Variants in HSPG2 observed in about 807,000 individuals in gnomAD.
HSPG2 encodes heparan sulfate proteoglycan 2, also known as basement membrane-specific heparan sulfate proteoglycan core protein.
A neutral mutation model predicts 526.6 loss-of-function variants in HSPG2; 278 were observed. The ratio of observed to expected loss-of-function variants is 0.53; its 90% CI spans 0.48 to 0.58. HSPG2 has a LOEUF of 0.58. Ranked by LOEUF, HSPG2 falls within the 20% of genes least tolerant of loss-of-function variation. HSPG2 has a pLI of 0.00. For synonymous variants in HSPG2, 2,465 were observed against 2,555.4 expected, an observed-to-expected ratio of 0.96 and a Z score of 1.07; for missense variants, 5,354 against 6,099.5, an observed-to-expected ratio of 0.88 and a Z score of 4.07.
At chr1:21,845,996 G>T in intron 64 of HSPG2, 112 bp downstream of exon 64, 1 of 1,301,962 alleles carries the variant, frequency 7.7e-7, no homozygotes, top group Non-Finnish European at 1.1e-6. Context: ...TGGAATCAGA[G>T]CGGCAGTTCT....
At position 21,831,755 on chromosome 1, in the gene HSPG2, G is replaced by A; in HGVS notation, c.11249C>T (p.Thr3750Ile). The change falls in exon 82 of 97, where the codon ACA (threonine) becomes ATA (isoleucine). Residue 3750 changes from threonine to isoleucine, a missense_variant. Thr to Ile is a moderately conservative substitution (Grantham distance 89, BLOSUM62 -1). Transcript: ENST00000374695. ...GTGGAAATGGCCCAGGGCCAGTGGT[G>A]TGGGATGGCGGATGGTGGCCATGCC... is the stretch of plus-strand genomic sequence containing the variant. The part of the protein sequence containing the change: ...GSGMATIRHP[T>I]PLALGHFHTV... The A allele has an allele frequency of 6.2e-7, 1 of 1,604,398 alleles. No homozygotes were observed. Among genetic ancestry groups the A allele is most frequent in the Non-Finnish European group, 8.5e-7 (1 of 1,173,180 alleles).
At position 21,865,260 on chromosome 1, in the gene HSPG2, C is replaced by T. The variant is rs1253888891; in HGVS notation, c.4395+25G>A. 1 of 1,611,144 alleles carries T rather than the reference C, an allele frequency of 6.2e-7. No individual in the cohort carries two copies. Among genetic ancestry groups the T allele is most frequent in the Non-Finnish European group, 8.5e-7 (1 of 1,177,480 alleles). On this transcript the variant is annotated intron_variant, in intron 35 of 96. Transcript: ENST00000374695. The surrounding 1 kb of genome is among the most constrained non-coding windows in gnomAD (Gnocchi z 5.4). ...GGGTGGAGGGTGGGGTGGGGTTAGA[C>T]ACAGCATGGCCAGGTGCCCCTTACC...
Position 21,841,640 on chromosome 1 carries a change from A to G in HSPG2, c.9227T>C (p.Ile3076Thr). The change falls in exon 70 of 97, where the codon ATC becomes ACC. Residue 3076 changes from isoleucine (I) to threonine (T), a missense_variant. Coordinates refer to ENST00000374695, the MANE Select transcript of HSPG2 (RefSeq NM_005529.7). The stretch of plus-strand genomic sequence containing the variant: ...GCTGGGCCGGGTGCCCACGATGGTG[A>G]TGATGGAGCCATTGGGACTGATGTG... ...NVHISPNGSI[I>T]TIVGTRPSNH... The G allele has an allele frequency of 6.2e-7, 1 of 1,614,090 alleles. No individual in the cohort carries two copies. The highest frequency in any genetic ancestry group is 8.5e-7 in the Non-Finnish European group (1 of 1,180,006).
rs1271021210 is a variant in HSPG2 at position 21,861,795 on chromosome 1, C to A, written c.4917G>T (p.Thr1639=). ...ESLGAGGYRC[T]ACEPGYTGQY... is the part of the protein sequence containing the mutation. ...GGCCAGTGTAGCCGGGTTCGCAGGCCGTGCAGCGGTACCCGCCGGCTCCCA... is the reference window on the plus strand; with the variant it reads ...GGCCAGTGTAGCCGGGTTCGCAGGCAGTGCAGCGGTACCCGCCGGCTCCCA... Residue 1639 remains threonine, a synonymous_variant, in exon 39 of 97, where the codon ACG becomes ACT. Transcript: ENST00000374695. 1.2e-6 allele frequency: 2 copies of A among 1,613,950 alleles called. No individual in the cohort carries two copies. The highest frequency in any genetic ancestry group is 1.7e-6 in the Non-Finnish European group (2 of 1,180,020).
intron 1 of HSPG2, among the ~76,000 whole-genome samples, chr1:21,905,251 CCACACACACCCACACACACACACACA>C (rs1011445299): frequency 1.5e-5 from 2 of 133,964 alleles, no homozygotes; most frequent in African/African-American, 5.2e-5. Flanking sequence ...ACACACCCAC[CCACACACACCCACACACACACACACA>C]CACGCCACGC....
In HSPG2 at chr1:21,887,093, G is replaced by C. The variant is rs1249217254; in HGVS notation, c.1078+122C>G. On this transcript the variant is annotated intron_variant, in intron 9 of 96. Transcript: ENST00000374695. The surrounding 1 kb of genome is among the most constrained non-coding windows in gnomAD (Gnocchi z 5.0). ...CAGGGAGAGCAAACAAACAGGCTTG[G>C]GGGACTGGGGAGGGGGGAAAGCGGA... The C allele has an allele frequency of 9.6e-7, 1 of 1,040,238 alleles. No individual in the cohort carries two copies. Among genetic ancestry groups the C allele is most frequent in the African/African-American group, 1.7e-5 (1 of 57,642 alleles). The allele number at this position is 1,040,238 out of a possible 1,614,324, so 64.4% of individuals were successfully genotyped here.
rs764508310 is a variant in HSPG2 at position 21,854,957 on chromosome 1, C to T, written c.6024G>A (p.Ala2008=). 17 of 1,613,624 alleles carry T rather than the reference C, an allele frequency of 1.1e-5. No individual in the cohort carries two copies. The highest frequency in any genetic ancestry group is 5.9e-6 in the Non-Finnish European group (7 of 1,180,046). Reference sequence around the variant, plus strand: ...TCGTGATGGCTGGGATGAGCAGTGTCGCGATGTCTGTGCGCTCTGACCGGG... The same window carrying T: ...TCGTGATGGCTGGGATGAGCAGTGTTGCGATGTCTGTGCGCTCTGACCGGG... ...PQARSERTDI[A]TLLIPAITTA... is the part of the protein sequence containing the mutation. Residue 2008 remains alanine, a synonymous_variant, in exon 48 of 97, where the codon GCG becomes GCA. Transcript: ENST00000374695.
Position 21,876,038 on chromosome 1 carries a change from G to A in HSPG2, c.3008C>T (p.Thr1003Ile). The A allele has an allele frequency of 6.2e-7, 1 of 1,613,882 alleles. No homozygotes were observed. Among genetic ancestry groups the A allele is most frequent in the Non-Finnish European group, 8.5e-7 (1 of 1,179,940 alleles). Residue 1003 changes from threonine to isoleucine, a missense_variant, in exon 24 of 97, where the codon ACC becomes ATC. Transcript: ENST00000374695. Reference sequence around the variant, plus strand: ...GAAGCGCAGCTCTCCTCCATAGGAGGTCACCTGGGACCAGGGTTAGACAGG... The same window carrying A: ...GAAGCGCAGCTCTCCTCCATAGGAGATCACCTGGGACCAGGGTTAGACAGG... ...LPSRFLGDKV[T>I]SYGGELRFTV...
chr1:21,845,530 C>T (rs1015945109), intron 64 of HSPG2, among the ~76,000 whole-genome samples: 12 of 152,038 alleles, frequency 7.9e-5, no homozygotes, highest in Admixed American at 3.3e-4. Context: ...CGGTAGGCGC[C>T]ACCACACCCA....
chr1:21,887,511 C>T lies in HSPG2; in HGVS notation c.867G>A (p.Glu289=), dbSNP rs1641996544. 1.2e-6 allele frequency: 2 copies of T among 1,614,034 alleles called. No homozygotes were observed. Among genetic ancestry groups the T allele is most frequent in the Admixed American group, 1.7e-5 (1 of 60,016 alleles). The change falls in exon 8 of 97, where the codon GAG becomes GAA. Residue 289 remains glutamate (E), a synonymous_variant. Transcript: ENST00000374695. This position sits in a 1 kb window ranked among gnomAD's most constrained non-coding sequence, Gnocchi z 5.0. ...TGCAGTGCCCATTGCGGCATGCGGCCTCCTGGGGCCCACAGGGCAGGGGCC... is the reference window on the plus strand; with the variant it reads ...TGCAGTGCCCATTGCGGCATGCGGCTTCCTGGGGCCCACAGGGCAGGGGCC... ...SVRPLPCGPQ[E]AACRNGHCIP...
rs758039155 is a variant in HSPG2 at position 21,830,099 on chromosome 1, G to A, written c.11672-8C>T. On this transcript the variant is annotated splice_region_variant and splice_polypyrimidine_tract_variant and intron_variant, in intron 85 of 96. Coordinates refer to ENST00000374695, the MANE Select transcript of HSPG2 (RefSeq NM_005529.7). ...CGTCGGGCCCACAGGCCTCTGGGGG[G>A]CACATAGGCCAGTGAAAAGACACGG... 6 of 1,584,418 alleles carry A rather than the reference G, an allele frequency of 3.8e-6. 1 individual carries two copies. The South Asian group carries it at 4.6e-5, about 12-fold the overall frequency.
At chr1:21,837,816 T>C (rs763649374) in intron 74 of HSPG2, among the ~76,000 whole-genome samples, 1 of 152,112 alleles carries the variant, frequency 6.6e-6, no homozygotes, top group Non-Finnish European at 1.5e-5. Flanking sequence ...TGGTTGGCAT[T>C]GTTCTCTCCA....
chr1:21,927,322 G>A (rs992234097), intron 1 of HSPG2, among the ~76,000 whole-genome samples: 8 of 152,152 alleles, frequency 5.3e-5, no homozygotes, highest in African/African-American at 1.9e-4. Context: ...AGGGTGGGGT[G>A]GGGTGAGATC....
intron 1 of HSPG2, among the ~76,000 whole-genome samples, chr1:21,934,130 T>G (rs544909679): frequency 6.6e-6 from 1 of 152,258 alleles, no homozygotes; most frequent in Non-Finnish European, 1.5e-5. Context: ...ACAGCTGAAA[T>G]TACACCCACA....
chr1:21,884,404 C>G, intron 13 of HSPG2, 124 bp downstream of exon 13: 1 of 1,336,078 alleles, frequency 7.5e-7, no homozygotes, highest in South Asian at 1.2e-5. Flanking sequence ...CTCAGTGTTT[C>G]TTCAGCGACT....
intron 1 of HSPG2, among the ~76,000 whole-genome samples, chr1:21,917,142 G>T (rs1342152327): frequency 1.3e-5 from 2 of 152,114 alleles, no homozygotes; most frequent in South Asian, 2.1e-4. Context: ...ACTAAGAAAG[G>T]GCAGAATGGC....
At chr1:21,886,380 G>A (rs1028725062) in intron 9 of HSPG2, among the ~76,000 whole-genome samples, 2 of 151,958 alleles carry the variant, frequency 1.3e-5, no homozygotes, top group South Asian at 2.1e-4. Context: ...CCTCTCCCCC[G>A]GGGCTTGCTG....
chr1:21,835,916 G>A (rs1301123676), intron 75 of HSPG2, among the ~76,000 whole-genome samples: 1 of 151,048 alleles, frequency 6.6e-6, no homozygotes, highest in African/African-American at 2.4e-5. Context: ...CCCGGGAGGC[G>A]GAGGTTGCAG....
At chr1:21,908,153 T>C (rs534524147) in intron 1 of HSPG2, 16 of 838,476 alleles carry the variant, frequency 1.9e-5, no homozygotes, top group Non-Finnish European at 2.5e-5. Context: ...TCCAGGCCTT[T>C]TAGAAAACAT....
Sources: allele counts gnomAD v4.1 joint callset (sites outside exome capture counted in the v4.1 genomes callset), GRCh38; gene constraint gnomAD v4.1.1; non-coding constraint Gnocchi (gnomAD v3.1); transcripts MANE v1.5; gene names NCBI Gene and HGNC (gene_info 2026-07-23, HGNC 2026-07-21).